Variants in ZNF569 observed in about 807,000 individuals in gnomAD.
ZNF569 encodes DNA-binding protein.
A neutral mutation model predicts 56.3 loss-of-function variants in ZNF569; 38 were observed. The ratio of observed to expected loss-of-function variants is 0.68; its 90% CI spans 0.52 to 0.88. The LOEUF (loss-of-function observed/expected upper bound fraction) is 0.88, where lower values mean the gene tolerates loss of function less well. ZNF569 is among the 40% of genes least tolerant of loss of function. The pLI is 0.00. For missense variants in ZNF569, 666 were observed against 809.2 expected, an observed-to-expected ratio of 0.82 and a Z score of 2.15; for synonymous variants, 241 against 262.9, an observed-to-expected ratio of 0.92 and a Z score of 0.81.
At chr19:37,423,176 C>T (rs968609758) in intron 5 of ZNF569, among the ~76,000 whole-genome samples, 1 of 152,072 alleles carries the variant, frequency 6.6e-6, no homozygotes, top group Non-Finnish European at 1.5e-5. Flanking sequence ...AAAAATACAA[C>T]CTATTATCAA....
intron 3 of ZNF569, among the ~76,000 whole-genome samples, chr19:37,432,275 G>C (rs1273482008): frequency 6.6e-6 from 1 of 152,186 alleles, no homozygotes; most frequent in Admixed American, 6.5e-5. Flanking sequence ...AGTGGTGGTA[G>C]CCACAGGGGT....
intron 2 of ZNF569, among the ~76,000 whole-genome samples, chr19:37,461,155 AT>A (rs1369371971): frequency 6.6e-6 from 1 of 152,168 alleles, no homozygotes; most frequent in Non-Finnish European, 1.5e-5. Flanking sequence ...TTAGGAAAAT[AT>A]TCTAGCTAGT....
chr19:37,425,824 T>C (rs2146888556), intron 5 of ZNF569, 44 bp downstream of exon 5: 3 of 1,434,926 alleles, frequency 2.1e-6, no homozygotes, highest in Non-Finnish European at 2.9e-6. Context: ...TAATCATTAA[T>C]AGGCCCTGAC....
In ZNF569 at chr19:37,463,105, T is replaced by C. The variant is rs73631084; in HGVS notation, c.-44+2208A>G. Reference sequence around the variant, plus strand: ...GTGTCACCTTGTCTCATTCACACTCTACCTCAGTTTGTCAGCAAATCACAG... The same window carrying C: ...GTGTCACCTTGTCTCATTCACACTCCACCTCAGTTTGTCAGCAAATCACAG... On this transcript the variant is annotated intron_variant, in intron 2 of 5. Coordinates refer to ENST00000316950, the MANE Select transcript of ZNF569 (RefSeq NM_152484.3). Among the ~76,000 whole-genome samples the C allele has an allele frequency of 8.8e-3, 1,346 of 152,300 alleles. 20 individuals carry two copies. Among genetic ancestry groups the C allele is most frequent in the African/African-American group, 0.031 (1,271 of 41,566 alleles).
chr19:37,418,932 A>C (rs1208461597), intron 5 of ZNF569, among the ~76,000 whole-genome samples: 1 of 152,194 alleles, frequency 6.6e-6, no homozygotes, highest in Non-Finnish European at 1.5e-5. Flanking sequence ...CCAATAGGAA[A>C]ATGGAAATTT....
Position 37,425,964 on chromosome 19 carries a change from C to T in ZNF569, c.143-1G>A. ...ACATCAGGTTTGGTGAACGGATAGC[C>T]TGTCAAAGGGAAGTTACATAGATTT... On this transcript the variant is annotated splice_acceptor_variant, in intron 4 of 5. Transcript: ENST00000316950. LOFTEE classifies it high-confidence loss of function. 1 of 1,613,744 alleles carries T rather than the reference C, an allele frequency of 6.2e-7. No individual in the cohort carries two copies.
intron 2 of ZNF569, among the ~76,000 whole-genome samples, chr19:37,462,865 T>C (rs1205446092): frequency 1.3e-5 from 2 of 152,180 alleles, no homozygotes; most frequent in Non-Finnish European, 2.9e-5. Context: ...CCATCCTAGA[T>C]CTTAGATCTC....
intron 3 of ZNF569, among the ~76,000 whole-genome samples, chr19:37,430,658 G>A (rs1395723439): frequency 6.7e-6 from 1 of 149,902 alleles, no homozygotes; most frequent in Non-Finnish European, 1.5e-5. Flanking sequence ...ACTCCCCACA[G>A]GAACACCAAA....
intron 5 of ZNF569, among the ~76,000 whole-genome samples, chr19:37,425,122 C>T (rs930928630): frequency 9.2e-5 from 14 of 151,676 alleles, no homozygotes; most frequent in Non-Finnish European, 1.6e-4. Context: ...CACACACATA[C>T]ACACACAAAA....
intron 2 of ZNF569, among the ~76,000 whole-genome samples, chr19:37,453,530 T>C (rs1435132308): frequency 6.6e-6 from 1 of 152,180 alleles, no homozygotes; most frequent in Non-Finnish European, 1.5e-5. Flanking sequence ...TTCTCCCTTG[T>C]CTTCTTGCTT....
At chr19:37,456,255 G>A (rs1286757809) in intron 2 of ZNF569, among the ~76,000 whole-genome samples, 1 of 151,584 alleles carries the variant, frequency 6.6e-6, no homozygotes, top group Admixed American at 6.6e-5. Flanking sequence ...CTCATTAATC[G>A]CACTGAGCTT....
At chr19:37,444,204 A>T (rs1316639247) in intron 3 of ZNF569, among the ~76,000 whole-genome samples, 1 of 152,158 alleles carries the variant, frequency 6.6e-6, no homozygotes, top group Non-Finnish European at 1.5e-5. Flanking sequence ...ATGCTGTTTC[A>T]CAGTAAATAC....
chr19:37,467,715 A>G, upstream of ZNF569: 1 of 655,072 alleles, frequency 1.5e-6, no homozygotes, highest in African/African-American at 1.8e-5. Context: ...GGAGTGACGT[A>G]GTGTGACTGT....
At chr19:37,434,247 C>A (rs2041271352) in intron 3 of ZNF569, among the ~76,000 whole-genome samples, 1 of 150,354 alleles carries the variant, frequency 6.7e-6, no homozygotes. Flanking sequence ...TTGCAGTGAG[C>A]CGAGATTGTG....
intron 2 of ZNF569, among the ~76,000 whole-genome samples, chr19:37,446,767 G>A (rs890066514): frequency 6.6e-6 from 1 of 151,904 alleles, no homozygotes; most frequent in Non-Finnish European, 1.5e-5. Context: ...AAACAGATGG[G>A]ACTTAATTGA....
At chr19:37,455,922 G>A (rs774216457) in intron 2 of ZNF569, among the ~76,000 whole-genome samples, 12 of 152,178 alleles carry the variant, frequency 7.9e-5, no homozygotes, top group Non-Finnish European at 1.5e-4. Context: ...GCCAAAGCCA[G>A]TTGCAACTAC....
At chr19:37,433,416 C>G (rs2041257133) in intron 3 of ZNF569, among the ~76,000 whole-genome samples, 1 of 152,118 alleles carries the variant, frequency 6.6e-6, no homozygotes, top group African/African-American at 2.4e-5. Context: ...GGTAGAGAGA[C>G]AGGGGTAGAA....
chr19:37,460,941 A>T (rs549308098), intron 2 of ZNF569, among the ~76,000 whole-genome samples: 34 of 152,222 alleles, frequency 2.2e-4, no homozygotes, highest in Non-Finnish European at 4.0e-4. Flanking sequence ...AAAGAAAATA[A>T]GTGCAGTGAT....
chr19:37,455,960 G>C (rs2041664539), intron 2 of ZNF569, among the ~76,000 whole-genome samples: 1 of 152,130 alleles, frequency 6.6e-6, no homozygotes, highest in South Asian at 2.1e-4. Context: ...TTTCTCAAAA[G>C]CTTCTTTACT....
Sources: allele counts gnomAD v4.1 joint callset (sites outside exome capture counted in the v4.1 genomes callset), GRCh38; gene constraint gnomAD v4.1.1; transcripts MANE v1.5; gene names NCBI Gene and HGNC (gene_info 2026-07-23, HGNC 2026-07-21).